The following CNTNAP2 variants were observed in gnomAD, a reference collection of about 807,000 sequenced individuals.
CNTNAP2 encodes contactin associated protein 2, also known as contactin-associated protein-like 2.
CNTNAP2 carries 98 observed loss-of-function variants against 155.2 expected under a neutral mutation model. The ratio of observed to expected loss-of-function variants is 0.63; its 90% confidence interval spans 0.54 to 0.75. The LOEUF (loss-of-function observed/expected upper bound fraction) is 0.75. Ranked by LOEUF, CNTNAP2 falls within the 30% of genes least tolerant of loss-of-function variation. The probability of loss-of-function intolerance (pLI) is 0.00; values close to 1 mark genes in which losing one functional copy is unlikely to be tolerated. For missense variants in CNTNAP2, 1,727 were observed against 1,688.1 expected, an observed-to-expected ratio of 1.02 and a Z score of -0.40; for synonymous variants, 651 against 631.2, an observed-to-expected ratio of 1.03 and a Z score of -0.47.
intron 14 of CNTNAP2, among the ~76,000 whole-genome samples, chr7:147,923,786 C>G (rs111954938): frequency 0.012 from 1,828 of 152,170 alleles, 44 homozygotes; most frequent in African/African-American, 0.041. Flanking sequence ...CTACCTTGGT[C>G]TCCCAAAATA....
At chr7:147,814,602 T>C (rs1798237542) in intron 13 of CNTNAP2, among the ~76,000 whole-genome samples, 1 of 152,202 alleles carries the variant, frequency 6.6e-6, no homozygotes, top group Non-Finnish European at 1.5e-5. Context: ...CTATTGATTG[T>C]GAATCCAATT....
At chr7:147,487,892 A>G (rs1798538011) in intron 11 of CNTNAP2, among the ~76,000 whole-genome samples, 1 of 152,232 alleles carries the variant, frequency 6.6e-6, no homozygotes, top group South Asian at 2.1e-4. Context: ...TCCTTGCTCC[A>G]TTTTGTTGGA....
chr7:147,268,941 A>G (rs1804677556), intron 8 of CNTNAP2, among the ~76,000 whole-genome samples: 1 of 152,164 alleles, frequency 6.6e-6, no homozygotes, highest in Non-Finnish European at 1.5e-5. Context: ...AAAGTACTAA[A>G]TGGAGTCTTT....
Position 146,631,498 on chromosome 7 carries a change from C to T in CNTNAP2, c.98-142773C>T, listed in dbSNP as rs144457644. Among the ~76,000 whole-genome samples, 361 of 152,260 alleles carry T rather than the reference C, an allele frequency of 2.4e-3. 2 individuals carry two copies. The highest frequency in any genetic ancestry group is 4.1e-3 in the Non-Finnish European group (281 of 67,996). On this transcript the variant is annotated intron_variant, in intron 1 of 23. Transcript: ENST00000361727. ...TTCTGTCCCAAGGTAAATCTACATC[C>T]TCTTCCATGTGAGAGCCTTCTGAGT...
intron 1 of CNTNAP2, among the ~76,000 whole-genome samples, chr7:146,438,318 C>T (rs369326392): frequency 3.3e-5 from 5 of 150,552 alleles, no homozygotes; most frequent in African/African-American, 9.9e-5. Flanking sequence ...TTCATATCCC[C>T]TTGATCCAGG....
chr7:147,398,702 T>A, intron 10 of CNTNAP2, among the ~76,000 whole-genome samples: 1 of 141,428 alleles, frequency 7.1e-6, no homozygotes. Flanking sequence ...CTTGCCAAGC[T>A]ACAGAATTAT....
In CNTNAP2 at chr7:146,330,012, CTTTTT is replaced by C. The variant is rs748334732; in HGVS notation, c.97+213062_97+213066del. ...CATTTATTGATTCAACAAGTACTTTCTTTTTTTTTTTTTTTTTTTTTTTTTTTGAG... is the reference window on the plus strand; with the variant it reads ...CATTTATTGATTCAACAAGTACTTTCTTTTTTTTTTTTTTTTTTTTTTGAG... On this transcript the variant is annotated intron_variant, in intron 1 of 23. Coordinates refer to ENST00000361727, the MANE Select transcript of CNTNAP2 (RefSeq NM_014141.6). 6.5e-4 allele frequency among the ~76,000 whole-genome samples: 49 copies of C among 74,824 alleles called. 1 individual carries two copies. Among genetic ancestry groups the C allele is most frequent in the African/African-American group, 3.0e-3 (46 of 15,202 alleles). The allele number at this position is 74,824 out of a possible 152,430, so 49.1% of individuals were successfully genotyped here.
chr7:148,158,975 TC>T (rs1474143491), intron 17 of CNTNAP2, among the ~76,000 whole-genome samples: 1 of 152,178 alleles, frequency 6.6e-6, no homozygotes. Context: ...AAGGGATAGA[TC>T]CTCGCAGCCC....
chr7:147,989,501 A>C (rs569031616), intron 15 of CNTNAP2, among the ~76,000 whole-genome samples: 1 of 152,212 alleles, frequency 6.6e-6, no homozygotes, highest in Admixed American at 6.5e-5. Flanking sequence ...TCTTATATCC[A>C]TTTGCTGTGG....
intron 1 of CNTNAP2, among the ~76,000 whole-genome samples, chr7:146,746,687 T>G (rs962836719): frequency 1.3e-5 from 2 of 152,140 alleles, no homozygotes; most frequent in Non-Finnish European, 2.9e-5. Context: ...ATTATAAAAT[T>G]TTACCTACTG....
At chr7:146,688,100 A>C (rs1033644202) in intron 1 of CNTNAP2, among the ~76,000 whole-genome samples, 1 of 152,174 alleles carries the variant, frequency 6.6e-6, no homozygotes, top group South Asian at 2.1e-4. Context: ...CCCCACATGG[A>C]GAGGGAATCC....
chr7:147,324,021 G>A (rs1795403883), intron 9 of CNTNAP2, among the ~76,000 whole-genome samples: 1 of 143,564 alleles, frequency 7.0e-6, no homozygotes, highest in South Asian at 2.3e-4. Context: ...CTTAGTTTCC[G>A]TATGGCAGAA....
At chr7:147,955,984 C>A (rs1011787960) in intron 14 of CNTNAP2, among the ~76,000 whole-genome samples, 11 of 152,022 alleles carry the variant, frequency 7.2e-5, no homozygotes, top group African/African-American at 2.2e-4. Flanking sequence ...GCAAGAATTC[C>A]ATAGTAAAGT....
intron 1 of CNTNAP2, among the ~76,000 whole-genome samples, chr7:146,767,027 A>G (rs562598534): frequency 6.6e-6 from 1 of 152,320 alleles, no homozygotes; most frequent in South Asian, 2.1e-4. Flanking sequence ...GTTATGTCCA[A>G]TCAGTTGATT....
At chr7:147,943,278 G>A (rs1170905708) in intron 14 of CNTNAP2, among the ~76,000 whole-genome samples, 1 of 151,962 alleles carries the variant, frequency 6.6e-6, no homozygotes, top group Non-Finnish European at 1.5e-5. Context: ...TTTTACTGTT[G>A]GCACACACGG....
chr7:147,361,987 G>A (rs999213966), intron 9 of CNTNAP2, among the ~76,000 whole-genome samples: 11 of 152,166 alleles, frequency 7.2e-5, no homozygotes, highest in East Asian at 1.9e-4. Flanking sequence ...CACTGAGACT[G>A]GGAAAGGTGA....
intron 10 of CNTNAP2, among the ~76,000 whole-genome samples, chr7:147,399,638 T>C (rs1044507218): frequency 1.3e-5 from 2 of 152,150 alleles, no homozygotes; most frequent in Admixed American, 6.5e-5. Flanking sequence ...AAATTCAAGG[T>C]TGGACATGAA....
At position 147,547,595 on chromosome 7, in the gene CNTNAP2, ATTTTTGTT is replaced by A. The variant is rs1468147551; in HGVS notation, c.1778-14532_1778-14525del. On this transcript the variant is annotated intron_variant, in intron 11 of 23. Coordinates refer to ENST00000361727, the MANE Select transcript of CNTNAP2 (RefSeq NM_014141.6). ...CATGAGGAGCTTTGTTTTTGTTTTTATTTTTGTTTTTTTGTTTTGTCTTTATTTCTTCT... is the reference window on the plus strand; with the variant it reads ...CATGAGGAGCTTTGTTTTTGTTTTTATTTTTGTTTTGTCTTTATTTCTTCT... 3.3e-5 allele frequency among the ~76,000 whole-genome samples: 5 copies of A among 150,230 alleles called. No individual in the cohort carries two copies. In the East Asian group the frequency reaches 8.0e-4, roughly 24 times the overall value.
chr7:146,352,916 G>A (rs529638695), intron 1 of CNTNAP2, among the ~76,000 whole-genome samples: 14 of 151,338 alleles, frequency 9.3e-5, no homozygotes, highest in Admixed American at 5.9e-4. Context: ...CACCACGCCC[G>A]GCTAATTTTT....
Sources: gnomAD v4.1 joint callset for allele counts (sites outside exome capture counted in the v4.1 genomes callset) on GRCh38, gnomAD v4.1.1 for gene constraint, MANE v1.5 for transcripts, NCBI Gene and HGNC (gene_info 2026-07-23, HGNC 2026-07-21) for gene names.